Variants in GRM7 observed in about 807,000 individuals in gnomAD.
GRM7 encodes the protein glutamate metabotropic receptor 7.
A neutral mutation model predicts 84.5 loss-of-function variants in GRM7; 35 were observed. That is an observed-to-expected ratio of 0.41 (90% CI 0.32 to 0.55). GRM7 has a LOEUF of 0.55. Among genes scored for constraint, GRM7 ranks in the 20% least tolerant of loss-of-function variants. GRM7 has a pLI of 0.19. For synonymous variants in GRM7, 487 were observed against 455.1 expected (o/e 1.07, Z -0.89); for missense variants, 1,003 against 1,194.6 (o/e 0.84, Z 2.36).
chr3:7,639,420 T>C (rs561549692), intron 8 of GRM7, among the ~76,000 whole-genome samples: 103 of 152,298 alleles, frequency 6.8e-4, no homozygotes, highest in African/African-American at 2.4e-3. Context: ...CATTAATATA[T>C]TGCAAGTATT....
chr3:7,060,147 T>G (rs141447831), intron 1 of GRM7, among the ~76,000 whole-genome samples: 1 of 151,860 alleles, frequency 6.6e-6, no homozygotes, highest in African/African-American at 2.4e-5. Flanking sequence ...CCATTAGAAC[T>G]AATATCTTTA....
At chr3:7,478,501 A>G (rs77965521) in intron 7 of GRM7, among the ~76,000 whole-genome samples, 1 of 152,238 alleles carries the variant, frequency 6.6e-6, no homozygotes, top group Admixed American at 6.5e-5. Context: ...TATCTTTGCT[A>G]GTCCTCTTTC....
intron 7 of GRM7, among the ~76,000 whole-genome samples, chr3:7,463,684 G>A (rs983352233): frequency 6.6e-6 from 1 of 152,184 alleles, no homozygotes; most frequent in Non-Finnish European, 1.5e-5. Context: ...AGCCAGCAAA[G>A]TGAAAACTAG....
chr3:7,378,533 C>G (rs1171592451), intron 4 of GRM7, among the ~76,000 whole-genome samples: 6 of 152,182 alleles, frequency 3.9e-5, no homozygotes, highest in Admixed American at 3.9e-4. Context: ...GGAGCAACTA[C>G]TAAGACGGCC....
At chr3:6,890,570 A>G (rs865797831) in intron 1 of GRM7, among the ~76,000 whole-genome samples, 74 of 152,142 alleles carry the variant, frequency 4.9e-4, no homozygotes, top group Middle Eastern at 6.8e-3. Flanking sequence ...CCTGAGTTCT[A>G]GTTTGATTGC....
rs556297976 is a variant in GRM7 at position 7,469,872 on chromosome 3, A to C, written c.1515+8150A>C. 3.6e-3 allele frequency among the ~76,000 whole-genome samples: 544 copies of C among 152,338 alleles called. 1 individual carries two copies. Among genetic ancestry groups the C allele is most frequent in the African/African-American group, 0.012 (480 of 41,580 alleles). On this transcript the variant is annotated intron_variant, in intron 7 of 9. Coordinates refer to ENST00000357716, the MANE Select transcript of GRM7 (RefSeq NM_000844.4). ...TGCTTCCCATTTGTCAGTTAACTTG[A>C]GATGCGAGACCCCAAACTGATTACA... is the stretch of plus-strand genomic sequence containing the variant.
At chr3:7,009,900 G>A (rs570674285) in intron 1 of GRM7, among the ~76,000 whole-genome samples, 177 of 152,220 alleles carry the variant, frequency 1.2e-3, no homozygotes, top group African/African-American at 4.1e-3. Flanking sequence ...TCTCGAATCA[G>A]ACTCCAAAAT....
chr3:7,461,910 G>T (rs1468960109), intron 7 of GRM7, among the ~76,000 whole-genome samples, 188 bp downstream of exon 7: 1 of 152,156 alleles, frequency 6.6e-6, no homozygotes, highest in Non-Finnish European at 1.5e-5. Flanking sequence ...TGGGAAATGT[G>T]CATTGAGTTT....
At chr3:7,447,899 CT>C (rs1559329206) in intron 5 of GRM7, among the ~76,000 whole-genome samples, 1 of 102,306 alleles carries the variant, frequency 9.8e-6, no homozygotes, top group Non-Finnish European at 1.9e-5. Context: ...TCCCTCCCCC[CT>C]CCCCCCACCC....
chr3:7,077,005 A>C (rs1434562564), intron 1 of GRM7, among the ~76,000 whole-genome samples: 1 of 152,196 alleles, frequency 6.6e-6, no homozygotes, highest in East Asian at 1.9e-4. Flanking sequence ...GAGAAATGCA[A>C]ATCAAAACCA....
intron 2 of GRM7, among the ~76,000 whole-genome samples, chr3:7,266,572 A>T (rs1298280752): frequency 6.6e-6 from 1 of 152,236 alleles, no homozygotes; most frequent in Non-Finnish European, 1.5e-5. Context: ...CTCACCCTTG[A>T]AAACCTTATA....
At position 7,469,443 on chromosome 3, in the gene GRM7, C is replaced by T. The variant is rs1031177342; in HGVS notation, c.1515+7721C>T. Among the ~76,000 whole-genome samples, 33 of 152,244 alleles carry T rather than the reference C, an allele frequency of 2.2e-4. 1 individual carries two copies. ...TGATTTTTTTATTTTAGACACCTAC[C>T]AGTGGCTATTTGAGAGCATGAGGTG... On this transcript the variant is annotated intron_variant, in intron 7 of 9. Coordinates refer to ENST00000357716, the MANE Select transcript of GRM7 (RefSeq NM_000844.4).
intron 1 of GRM7, among the ~76,000 whole-genome samples, chr3:6,869,403 G>A (rs1695038984): frequency 2.6e-5 from 4 of 152,236 alleles, no homozygotes; most frequent in African/African-American, 9.6e-5. Context: ...ACATTTAAAA[G>A]CTATGTTAAA....
chr3:7,506,747 C>G (rs1700050642), intron 7 of GRM7, among the ~76,000 whole-genome samples: 1 of 152,058 alleles, frequency 6.6e-6, no homozygotes, highest in Admixed American at 6.6e-5. Context: ...ATTTTTACAA[C>G]AAATCTATTT....
chr3:6,931,573 C>T (rs1479236297), intron 1 of GRM7, among the ~76,000 whole-genome samples: 1 of 152,178 alleles, frequency 6.6e-6, no homozygotes, highest in Non-Finnish European at 1.5e-5. Context: ...TGCTGAGGAT[C>T]CCTTCTCCAA....
chr3:6,972,821 G>T (rs1368881893), intron 1 of GRM7, among the ~76,000 whole-genome samples: 3 of 152,186 alleles, frequency 2.0e-5, no homozygotes, highest in Non-Finnish European at 4.4e-5. Flanking sequence ...CTCAAAAGCT[G>T]AGGAGAATCC....
chr3:7,448,980 G>T (rs1433474525), intron 5 of GRM7, among the ~76,000 whole-genome samples: 3 of 151,672 alleles, frequency 2.0e-5, no homozygotes, highest in African/African-American at 4.8e-5. Flanking sequence ...AAAAATAAGA[G>T]AAATTTATAA....
intron 4 of GRM7, among the ~76,000 whole-genome samples, chr3:7,396,812 T>G (rs1695229911): frequency 6.6e-6 from 1 of 152,190 alleles, no homozygotes; most frequent in East Asian, 1.9e-4. Context: ...TTTAGCCACT[T>G]CATTTTAAAG....
At chr3:7,278,455 T>A (rs963348530) in intron 2 of GRM7, among the ~76,000 whole-genome samples, 2 of 152,162 alleles carry the variant, frequency 1.3e-5, no homozygotes, top group Non-Finnish European at 2.9e-5. Flanking sequence ...TGTCATTGTT[T>A]TATTAATTCA....
Sources: allele counts gnomAD v4.1 joint callset (sites outside exome capture counted in the v4.1 genomes callset), GRCh38; gene constraint gnomAD v4.1.1; transcripts MANE v1.5; gene names NCBI Gene and HGNC (gene_info 2026-07-23, HGNC 2026-07-21).